Variants in LRRC37A2 observed in about 807,000 individuals in gnomAD.
LRRC37A2 encodes the protein leucine rich repeat containing 37 member A2.
A neutral mutation model predicts 68.8 loss-of-function variants in LRRC37A2; 9 were observed. That is an observed-to-expected ratio of 0.13 (90% CI 0.08 to 0.23). The LOEUF is 0.23. Ranked by LOEUF, LRRC37A2 falls within the 10% of genes least tolerant of loss-of-function variation. The probability of loss-of-function intolerance (pLI) is 1.00; values close to 1 mark genes in which losing one functional copy is unlikely to be tolerated. For synonymous variants in LRRC37A2, 63 were observed against 367.6 expected, an observed-to-expected ratio of 0.17 and a Z score of 9.48; for missense variants, 168 against 950.4, an observed-to-expected ratio of 0.18 and a Z score of 10.82.
chr17:46,872,787 C>G, the LRRC37A2 span: 2 of 1,415,244 alleles, frequency 1.4e-6, no homozygotes, highest in Non-Finnish European at 2.0e-6. Context: ...GGGAGGAGGG[C>G]TAGGGGACGG....
chr17:46,499,265 T>C, the LRRC37A2 span, among the ~76,000 whole-genome samples: 1 of 119,726 alleles, frequency 8.4e-6, no homozygotes, highest in Admixed American at 1.0e-4. Context: ...GGAGCCAAGA[T>C]TGCACCACTG....
the LRRC37A2 span, among the ~76,000 whole-genome samples, chr17:46,759,998 A>G: frequency 6.6e-6 from 1 of 152,320 alleles, no homozygotes; most frequent in South Asian, 2.1e-4. Context: ...GCAGGGTGTG[A>G]TGGCTCACCC....
chr17:46,850,230 A>C, the LRRC37A2 span, among the ~76,000 whole-genome samples: 1 of 152,226 alleles, frequency 6.6e-6, no homozygotes, highest in African/African-American at 2.4e-5. Flanking sequence ...CATAACTTAC[A>C]TGATTTGACT....
the LRRC37A2 span, among the ~76,000 whole-genome samples, chr17:46,919,332 A>G: frequency 6.6e-6 from 1 of 152,226 alleles, no homozygotes; most frequent in Non-Finnish European, 1.5e-5. Flanking sequence ...CAAGTGGTTT[A>G]GCCATACAAG....
chr17:46,947,801 T>C, the LRRC37A2 span, among the ~76,000 whole-genome samples: 3 of 152,220 alleles, frequency 2.0e-5, no homozygotes, highest in Non-Finnish European at 2.9e-5. Flanking sequence ...GGAGTTTCAC[T>C]CTTGTTGCCC....
At chr17:46,787,029 C>T in the LRRC37A2 span, among the ~76,000 whole-genome samples, 1 of 151,776 alleles carries the variant, frequency 6.6e-6, no homozygotes, top group African/African-American at 2.4e-5. Context: ...CCTTGAACTA[C>T]TTGGCTCAAC....
At chr17:46,829,314 T>G in the LRRC37A2 span, among the ~76,000 whole-genome samples, 32 of 152,082 alleles carry the variant, frequency 2.1e-4, no homozygotes, top group African/African-American at 7.5e-4. Flanking sequence ...ACTACAGGCA[T>G]GTGTCACTAT....
chr17:46,882,688 A>T, the LRRC37A2 span, among the ~76,000 whole-genome samples: 2 of 152,070 alleles, frequency 1.3e-5, no homozygotes, highest in African/African-American at 2.4e-5. Flanking sequence ...ACTTCGCTCC[A>T]TCTCTCACCT....
chr17:46,822,098 G>A, the LRRC37A2 span, among the ~76,000 whole-genome samples: 65,482 of 152,194 alleles, frequency 0.43, 15,374 homozygotes, highest in East Asian at 0.7. Flanking sequence ...GAAGTGCGAA[G>A]GGCCGAAGGC....
At chr17:46,575,374 G>A in the LRRC37A2 span, among the ~76,000 whole-genome samples, 1 of 151,910 alleles carries the variant, frequency 6.6e-6, no homozygotes, top group Admixed American at 6.6e-5. Context: ...GTTGGTTTGA[G>A]CCAGAGTGAA....
the LRRC37A2 span, chr17:46,874,859 C>T: frequency 1.1e-5 from 7 of 640,196 alleles, no homozygotes; most frequent in East Asian, 2.8e-5. Flanking sequence ...ATTAGGGGCA[C>T]GAGCCACTGT....
At chr17:47,035,977 A>C in the LRRC37A2 span, among the ~76,000 whole-genome samples, 5 of 152,346 alleles carry the variant, frequency 3.3e-5, no homozygotes, top group Non-Finnish European at 5.9e-5. Flanking sequence ...TATTTATTCA[A>C]ATCCTCTGCC....
At chr17:46,768,199 G>T in the LRRC37A2 span, 1 of 1,479,892 alleles carries the variant, frequency 6.8e-7, no homozygotes, top group Non-Finnish European at 9.2e-7. The surrounding 1 kb of genome is among the most constrained non-coding windows in gnomAD (Gnocchi z 5.0). Context: ...GGGAACTTGT[G>T]TGTCTTGGAT....
the LRRC37A2 span, among the ~76,000 whole-genome samples, chr17:46,770,339 A>ATCTCTGCCGAC: frequency 5.3e-5 from 8 of 152,148 alleles, no homozygotes; most frequent in Non-Finnish European, 1.2e-4. Context: ...GCCGACACCA[A>ATCTCTGCCGAC]ACCTCTGGCA....
the LRRC37A2 span, among the ~76,000 whole-genome samples, chr17:46,944,307 G>A: frequency 6.6e-6 from 1 of 152,248 alleles, no homozygotes; most frequent in Non-Finnish European, 1.5e-5. Context: ...CTGAGCCCAG[G>A]ATGCAGAGCC....
the LRRC37A2 span, among the ~76,000 whole-genome samples, chr17:46,709,697 G>A: frequency 6.6e-6 from 1 of 151,914 alleles, no homozygotes; most frequent in African/African-American, 2.4e-5. Context: ...GTTTCACCAC[G>A]TTGGCCAGGT....
chr17:46,996,060 C>T, the LRRC37A2 span, among the ~76,000 whole-genome samples: 1 of 152,080 alleles, frequency 6.6e-6, no homozygotes, highest in Non-Finnish European at 1.5e-5. Flanking sequence ...GCTTGCTTTC[C>T]TGGAGTGAGG....
chr17:46,908,141 A>G, the LRRC37A2 span, among the ~76,000 whole-genome samples: 87 of 152,026 alleles, frequency 5.7e-4, 1 homozygote, highest in Non-Finnish European at 8.7e-4. Context: ...ACGCTTCATG[A>G]TAGATGAGCC....
chr17:46,753,691 G>T, the LRRC37A2 span, among the ~76,000 whole-genome samples: 1 of 152,054 alleles, frequency 6.6e-6, no homozygotes, highest in Admixed American at 6.6e-5. Context: ...GATGCCTGCA[G>T]GTCAGTGATC....
Sources: gnomAD v4.1 joint callset for allele counts (sites outside exome capture counted in the v4.1 genomes callset) on GRCh38, gnomAD v4.1.1 for gene constraint, Gnocchi (gnomAD v3.1) non-coding constraint, MANE v1.5 for transcripts, NCBI Gene and HGNC (gene_info 2026-07-23, HGNC 2026-07-21) for gene names.